The following TPCN1 variants were observed in gnomAD, a reference collection of about 807,000 sequenced individuals.
TPCN1 encodes the protein two pore channel protein 1.
A neutral mutation model predicts 108.8 loss-of-function variants in TPCN1; 52 were observed. The observed-to-expected ratio is 0.48, with a 90% CI of 0.38 to 0.60. The LOEUF (loss-of-function observed/expected upper bound fraction) is 0.60. Ranked by LOEUF, TPCN1 falls within the 20% of genes least tolerant of loss-of-function variation. TPCN1 has a pLI of 0.00. For synonymous variants in TPCN1, 446 were observed against 433.7 expected, an observed-to-expected ratio of 1.03 and a Z score of -0.35; for missense variants, 806 against 1,072.8, an observed-to-expected ratio of 0.75 and a Z score of 3.47.
chr12:113,234,756 G>A (rs1160740326), intron 2 of TPCN1, among the ~76,000 whole-genome samples: 1 of 152,224 alleles, frequency 6.6e-6, no homozygotes, highest in East Asian at 1.9e-4. Context: ...TGCACTCTCT[G>A]AAGGGACAAC....
At chr12:113,278,856 C>G in intron 14 of TPCN1, 21 bp downstream of exon 14, 1 of 1,612,436 alleles carries the variant, frequency 6.2e-7, no homozygotes, top group East Asian at 2.2e-5. Context: ...TTGAGTATGG[C>G]AGGTGTTGGC....
chr12:113,262,408 TAAA>T (rs556927143), intron 3 of TPCN1, among the ~76,000 whole-genome samples: 15 of 102,754 alleles, frequency 1.5e-4, no homozygotes, highest in African/African-American at 1.4e-4. Context: ...AGACCCTGTC[TAAA>T]AAAAAAAAAA....
chr12:113,280,178 C>G lies in TPCN1; in HGVS notation c.1325C>G (p.Ala442Gly), dbSNP rs1955838855. ...ATTAATATCCTTGTGAAGTCCAAGGCCTTCCAGTATTTCATGTGTAAGTGT... is the reference window on the plus strand; with the variant it reads ...ATTAATATCCTTGTGAAGTCCAAGGGCTTCCAGTATTTCATGTGTAAGTGT... ...KGINILVKSK[A>G]FQYFMYLVVA... The change falls in exon 15 of 28, where the codon GCC becomes GGC. Residue 442 changes from alanine (A) to glycine (G), a missense_variant. Coordinates refer to ENST00000335509, the MANE Select transcript of TPCN1 (RefSeq NM_017901.6). The G allele has an allele frequency of 6.2e-7, 1 of 1,608,726 alleles. No individual in the cohort carries two copies. Among genetic ancestry groups the G allele is most frequent in the East Asian group, 2.2e-5 (1 of 44,808 alleles).
At chr12:113,255,020 T>A (rs952141787) in intron 2 of TPCN1, among the ~76,000 whole-genome samples, 14 of 152,244 alleles carry the variant, frequency 9.2e-5, no homozygotes, top group Non-Finnish European at 1.9e-4. Flanking sequence ...TCATTTTTAT[T>A]CAGTATTGTA....
chr12:113,292,937 A>G lies in TPCN1; in HGVS notation c.2117A>G (p.Asp706Gly). ...YSRKNQDSEV[D>G]GGITLEKEIS... ...CACCTGCCTTCCATCCCTGCAGTTG[A>G]TGGTGGCATCACCCTTGAGAAGGAA... The change falls in exon 26 of 28, where the codon GAT becomes GGT. Residue 706 changes from aspartate (D) to glycine (G), a missense_variant. Asp to Gly is a moderately conservative substitution (Grantham distance 94). Transcript: ENST00000335509. The G allele has an allele frequency of 1.2e-6, 2 of 1,611,726 alleles. No individual in the cohort carries two copies. Among genetic ancestry groups the G allele is most frequent in the Non-Finnish European group, 1.7e-6 (2 of 1,179,484 alleles).
At position 113,278,207 on chromosome 12, in the gene TPCN1, T is replaced by C. The variant is rs1456947576; in HGVS notation, c.1203T>C (p.Asp401=). The C allele has an allele frequency of 1.2e-6, 2 of 1,613,886 alleles. No individual in the cohort carries two copies. The highest frequency in any genetic ancestry group is 4.5e-5 in the East Asian group (2 of 44,854). The part of the protein sequence containing the change: ...TPLLSLKDFY[D]IYEVAALKWK... The stretch of plus-strand genomic sequence containing the variant: ...TTGGTAGCCTAAAGGACTTTTACGA[T>C]ATCTACGAAGTTGCTGCTTTGAAGT... The change falls in exon 13 of 28, where the codon GAT becomes GAC. Residue 401 remains aspartate, a synonymous_variant. Coordinates refer to ENST00000335509, the MANE Select transcript of TPCN1 (RefSeq NM_017901.6).
intron 2 of TPCN1, among the ~76,000 whole-genome samples, chr12:113,230,982 C>T (rs554868194): frequency 6.6e-6 from 1 of 152,380 alleles, no homozygotes; most frequent in African/African-American, 2.4e-5. Flanking sequence ...TGGCTGCCAT[C>T]ACTGACCTTT....
Position 113,232,555 on chromosome 12 carries a change from A to T in TPCN1, c.112+5591A>T. ...CAGATGGCCCCAGCATACTTGCCAA[A>T]GAGTGAAGAAGCCCAAGGGGCTTGC... On this transcript the variant is annotated intron_variant, in intron 2 of 27. Coordinates refer to ENST00000335509, the MANE Select transcript of TPCN1 (RefSeq NM_017901.6). The surrounding 1 kb of genome is among the most constrained non-coding windows in gnomAD (Gnocchi z 5.6). Among the ~76,000 whole-genome samples the T allele has an allele frequency of 6.6e-6, 1 of 152,372 alleles. No homozygotes were observed. Among genetic ancestry groups the T allele is most frequent in the East Asian group, 1.9e-4 (1 of 5,186 alleles).
rs990974761 is a variant in TPCN1, at chr12:113,231,803, T to A, written c.112+4839T>A. 6.6e-6 allele frequency among the ~76,000 whole-genome samples: 1 copy of A among 152,092 alleles called. No homozygotes were observed. The highest frequency in any genetic ancestry group is 6.6e-5 in the Admixed American group (1 of 15,266). ...GTGTCAGGTTGATAAAGGAGGCAGG[T>A]ATGAGCAGAGGTATTTAAAGCCTGG... is the stretch of plus-strand genomic sequence containing the variant. On this transcript the variant is annotated intron_variant, in intron 2 of 27. Transcript: ENST00000335509. This position sits in a 1 kb window ranked among gnomAD's most constrained non-coding sequence, Gnocchi z 4.3.
intron 1 of TPCN1, among the ~76,000 whole-genome samples, chr12:113,223,994 C>T (rs1487604170): frequency 6.6e-6 from 1 of 152,154 alleles, no homozygotes; most frequent in Non-Finnish European, 1.5e-5. Flanking sequence ...AAAAATCATA[C>T]ATTTTGGAAG....
In TPCN1 at chr12:113,293,263, C is replaced by T. The variant is rs953202923; in HGVS notation, c.2254-6C>T. The stretch of plus-strand genomic sequence containing the variant: ...GCCGAGCCCTGCAGCCTCTGCTCTT[C>T]CTTAGCAACATTCCATGGTGTTTCT... On this transcript the variant is annotated splice_polypyrimidine_tract_variant and splice_region_variant and intron_variant, in intron 26 of 27. Transcript: ENST00000335509. 13 of 1,613,954 alleles carry T rather than the reference C, an allele frequency of 8.1e-6. No individual in the cohort carries two copies. Among genetic ancestry groups the T allele is most frequent in the Non-Finnish European group, 1.1e-5 (13 of 1,180,032 alleles).
chr12:113,229,101 G>A (rs1272482376), intron 2 of TPCN1, among the ~76,000 whole-genome samples: 1 of 152,212 alleles, frequency 6.6e-6, no homozygotes, highest in Non-Finnish European at 1.5e-5. Context: ...ATAGGCCAGA[G>A]ACACAATAAG....
intron 2 of TPCN1, among the ~76,000 whole-genome samples, chr12:113,235,998 G>C (rs1953879622): frequency 6.6e-6 from 1 of 152,174 alleles, no homozygotes; most frequent in African/African-American, 2.4e-5. Flanking sequence ...AGAAAGGTTA[G>C]ATCCAAATCT....
At chr12:113,239,378 G>A (rs1020892379) in intron 2 of TPCN1, among the ~76,000 whole-genome samples, 2 of 152,304 alleles carry the variant, frequency 1.3e-5, no homozygotes, top group East Asian at 3.9e-4. Flanking sequence ...CTAACCCAGT[G>A]TAATGCCTGG....
intron 3 of TPCN1, among the ~76,000 whole-genome samples, chr12:113,262,426 AAG>A (rs1016589383): frequency 6.6e-6 from 1 of 152,002 alleles, no homozygotes; most frequent in African/African-American, 2.4e-5. Context: ...AAAAAAAAAA[AAG>A]ATTTAATGAA....
In TPCN1 at chr12:113,266,191, C is replaced by T. The variant is rs776016993; in HGVS notation, c.249C>T (p.Asn83=). Residue 83 remains asparagine, a synonymous_variant, in exon 4 of 28, where the codon AAC becomes AAT. Transcript: ENST00000335509. The surrounding 1 kb of genome is among the most constrained non-coding windows in gnomAD (Gnocchi z 4.2). ...TCTCATCTTTTCAGGAAGGCGAGAA[C>T]AACGACAAGTTCTTCACCCACCCCA... ...EAAIYLQEGE[N]NDKFFTHPKD... 1 of 1,614,136 alleles carries T rather than the reference C, an allele frequency of 6.2e-7. No homozygotes were observed. Among genetic ancestry groups the T allele is most frequent in the Admixed American group, 1.7e-5 (1 of 60,018 alleles).
At chr12:113,287,419 G>A in intron 19 of TPCN1, 1 of 289,910 alleles carries the variant, frequency 3.4e-6, no homozygotes, top group Non-Finnish European at 6.4e-6. Flanking sequence ...CAGGTCTGAG[G>A]GTTGGAAGGG....
At chr12:113,259,674 C>A (rs551086870) in intron 2 of TPCN1, among the ~76,000 whole-genome samples, 1 of 152,188 alleles carries the variant, frequency 6.6e-6, no homozygotes, top group South Asian at 2.1e-4. Flanking sequence ...GTTTCAAGTT[C>A]AGCTGTCACT....
chr12:113,277,447 GAGGTGGGCAGGCCTAT>G, intron 12 of TPCN1, 83 bp downstream of exon 12: 1 of 1,559,502 alleles, frequency 6.4e-7, no homozygotes, highest in Non-Finnish European at 8.8e-7. Flanking sequence ...GAAGGCCCTT[GAGGTGGGCAGGCCTAT>G]AGGCTTGTCA....
Sources: allele counts gnomAD v4.1 joint callset (sites outside exome capture counted in the v4.1 genomes callset), GRCh38; gene constraint gnomAD v4.1.1; non-coding constraint Gnocchi (gnomAD v3.1); transcripts MANE v1.5; gene names NCBI Gene and HGNC (gene_info 2026-07-23, HGNC 2026-07-21).